Variants in ALG6 observed in about 807,000 individuals in gnomAD.
The protein encoded by ALG6 is dolichyl pyrophosphate Man9GlcNAc2 alpha-1,3-glucosyltransferase.
In ALG6, 46 loss-of-function variants were observed where a neutral mutation model predicts 66.6. The observed-to-expected ratio is 0.69, with a 90% CI of 0.55 to 0.88. The LOEUF is 0.88. ALG6 is among the 40% of genes least tolerant of loss of function. The probability of loss-of-function intolerance (pLI) is 0.00; values close to 1 mark genes in which losing one functional copy is unlikely to be tolerated. For missense variants in ALG6, 505 were observed against 586.8 expected, an observed-to-expected ratio of 0.86 and a Z score of 1.44; for synonymous variants, 185 against 203.7, an observed-to-expected ratio of 0.91 and a Z score of 0.78.
intron 11 of ALG6, among the ~76,000 whole-genome samples, chr1:63,416,983 C>T (rs750095314): frequency 4.8e-4 from 73 of 152,150 alleles, no homozygotes; most frequent in Non-Finnish European, 9.6e-4. Flanking sequence ...CAGAAAAGAA[C>T]ATAACAGCGA....
intron 12 of ALG6, among the ~76,000 whole-genome samples, chr1:63,427,972 A>G (rs1472441056): frequency 6.6e-6 from 1 of 151,484 alleles, no homozygotes; most frequent in Non-Finnish European, 1.5e-5. Context: ...AAGCCCAGCT[A>G]ATTTTTTTTG....
intron 2 of ALG6, among the ~76,000 whole-genome samples, chr1:63,378,339 T>C (rs1648197332): frequency 6.6e-6 from 1 of 152,222 alleles, no homozygotes; most frequent in Admixed American, 6.5e-5. Flanking sequence ...TTTTAACTGT[T>C]ATTCTTTTGT....
At chr1:63,422,243 A>ATAGATATAAATATATATCTATATG (rs1557594972) in intron 12 of ALG6, among the ~76,000 whole-genome samples, 1 of 96,494 alleles carries the variant, frequency 1.0e-5, no homozygotes, top group African/African-American at 4.3e-5. Context: ...ATATATATAT[A>ATAGATATAAATATATATCTATATG]AATATATATA....
rs555765852 is a variant in ALG6, at chr1:63,393,430, T to C, written c.83-3083T>C. 2.0e-5 allele frequency among the ~76,000 whole-genome samples: 3 copies of C among 152,350 alleles called. No individual in the cohort carries two copies. The South Asian group carries it at 6.2e-4, about 32-fold the overall frequency. On this transcript the variant is annotated intron_variant, in intron 2 of 14. Transcript: ENST00000263440. ...ATGGGATATAAAATTCTTATCTGGT[T>C]AGCAGTTAAGAAATAGTATAGTCAT...
At chr1:63,423,695 G>A (rs1039848721) in intron 12 of ALG6, among the ~76,000 whole-genome samples, 1 of 152,170 alleles carries the variant, frequency 6.6e-6, no homozygotes, top group Non-Finnish European at 1.5e-5. Flanking sequence ...TGCCTGAATA[G>A]TATTGCATTG....
At chr1:63,370,311 A>G (rs1647871584) in intron 1 of ALG6, among the ~76,000 whole-genome samples, 1 of 152,226 alleles carries the variant, frequency 6.6e-6, no homozygotes, top group Non-Finnish European at 1.5e-5. Flanking sequence ...TTTTGGAAGA[A>G]AAGTAAAAAC....
chr1:63,419,321 G>C (rs1250037799), intron 11 of ALG6, 49 bp from the exon 12 acceptor site: 1 of 1,321,546 alleles, frequency 7.6e-7, no homozygotes, highest in Non-Finnish European at 1.1e-6. Flanking sequence ...AACTTGATAT[G>C]CTATTTCACA....
chr1:63,381,278 C>A (rs1310430241), intron 2 of ALG6, among the ~76,000 whole-genome samples: 1 of 152,168 alleles, frequency 6.6e-6, no homozygotes, highest in Admixed American at 6.5e-5. Context: ...CACGGTGAAA[C>A]CCCGTCTCTA....
intron 12 of ALG6, 55 bp downstream of exon 12, chr1:63,419,495 T>G: frequency 8.0e-7 from 1 of 1,247,338 alleles, no homozygotes; most frequent in Non-Finnish European, 1.1e-6. Flanking sequence ...AACTTTATAA[T>G]TTACATACAA....
intron 11 of ALG6, among the ~76,000 whole-genome samples, chr1:63,418,444 G>A (rs1354004919): frequency 5.3e-5 from 8 of 151,974 alleles, no homozygotes; most frequent in Admixed American, 3.9e-4. Flanking sequence ...TTTCCTTAAG[G>A]CAGGAACACA....
chr1:63,372,332 A>T (rs982630404), intron 2 of ALG6, among the ~76,000 whole-genome samples: 4 of 152,160 alleles, frequency 2.6e-5, no homozygotes, highest in African/African-American at 9.7e-5. Context: ...CAATAATATT[A>T]ATAGTTGTAA....
chr1:63,372,451 G>C (rs1354866233), intron 2 of ALG6, among the ~76,000 whole-genome samples: 1 of 151,408 alleles, frequency 6.6e-6, no homozygotes, highest in African/African-American at 2.4e-5. Context: ...ATATATATGT[G>C]TGTCTATATA....
At chr1:63,427,380 A>C (rs1478353160) in intron 12 of ALG6, among the ~76,000 whole-genome samples, 1 of 152,070 alleles carries the variant, frequency 6.6e-6, no homozygotes. Flanking sequence ...TAGTTGACAT[A>C]GGAAAAAGTC....
intron 3 of ALG6, 24 bp downstream of exon 3, chr1:63,396,621 T>C (rs552725353): frequency 6.3e-7 from 1 of 1,580,764 alleles, no homozygotes; most frequent in Admixed American, 1.7e-5. Context: ...AACTTGTTTT[T>C]CTTGTTTATC....
chr1:63,415,244 G>A (rs1644540210), intron 10 of ALG6, among the ~76,000 whole-genome samples: 1 of 152,170 alleles, frequency 6.6e-6, no homozygotes, highest in Non-Finnish European at 1.5e-5. Flanking sequence ...TTATATACTT[G>A]TTTTCAGGGC....
intron 4 of ALG6, among the ~76,000 whole-genome samples, chr1:63,402,672 G>C (rs946564051): frequency 1.5e-4 from 22 of 149,712 alleles, no homozygotes; most frequent in African/African-American, 5.1e-4. Flanking sequence ...TCACCATGTT[G>C]GCCAAGCTGG....
At chr1:63,409,677 T>C (rs1172173083) in intron 7 of ALG6, among the ~76,000 whole-genome samples, 1 of 152,204 alleles carries the variant, frequency 6.6e-6, no homozygotes, top group Non-Finnish European at 1.5e-5. Flanking sequence ...TTCGATTCTT[T>C]TTCTGTCATA....
chr1:63,382,789 C>T (rs1472008821), intron 2 of ALG6, among the ~76,000 whole-genome samples: 1 of 151,310 alleles, frequency 6.6e-6, no homozygotes, highest in East Asian at 2.0e-4. Flanking sequence ...CATTCTCCTG[C>T]CTCAGCCTCC....
At chr1:63,430,721 T>C (rs745763686) in intron 14 of ALG6, among the ~76,000 whole-genome samples, 8 of 152,208 alleles carry the variant, frequency 5.3e-5, no homozygotes, top group Non-Finnish European at 8.8e-5. Flanking sequence ...TCAAATCCTT[T>C]GCCCATTTTA....
Sources: gnomAD v4.1 joint callset for allele counts (sites outside exome capture counted in the v4.1 genomes callset) on GRCh38, gnomAD v4.1.1 for gene constraint, MANE v1.5 for transcripts, NCBI Gene and HGNC (gene_info 2026-07-23, HGNC 2026-07-21) for gene names.